Variants in ISCU observed in about 807,000 individuals in gnomAD.
ISCU encodes the protein iron-sulfur cluster assembly enzyme ISCU.
Under a neutral mutation model 18.4 loss-of-function variants are expected in ISCU, and 13 were observed. The ratio of observed to expected loss-of-function variants is 0.71; its 90% CI spans 0.46 to 1.12. The LOEUF (loss-of-function observed/expected upper bound fraction) is 1.12, where lower values mean the gene tolerates loss of function less well. Among genes scored for constraint, ISCU ranks in the 50% most tolerant of loss-of-function variants. The probability of loss-of-function intolerance (pLI) is 0.00; values close to 1 mark genes in which losing one functional copy is unlikely to be tolerated. For synonymous variants in ISCU, 104 were observed against 87.5 expected, an observed-to-expected ratio of 1.19 and a Z score of -1.06; for missense variants, 229 against 208.7, an observed-to-expected ratio of 1.10 and a Z score of -0.60.
chr12:108,562,898 TAAAC>T (rs1318014184), intron 1 of ISCU, 162 bp downstream of exon 1: 1 of 415,584 alleles, frequency 2.4e-6, no homozygotes, highest in Non-Finnish European at 4.2e-6. Context: ...CTGCAACTGA[TAAAC>T]AACAGTTACC....
intron 3 of ISCU, among the ~76,000 whole-genome samples, chr12:108,566,337 G>C (rs1293968114): frequency 6.6e-6 from 1 of 152,266 alleles, no homozygotes; most frequent in African/African-American, 2.4e-5. Flanking sequence ...CTCAGGTGAA[G>C]GGAGAAATGA....
At position 108,568,517 on chromosome 12, in the gene ISCU, C is replaced by T. The variant is rs114887406; in HGVS notation, c.419-314C>T. 3.7e-3 allele frequency: 4,624 copies of T among 1,247,468 alleles called. 143 individuals carry two copies. In the African/African-American group the frequency reaches 0.063, roughly 17 times the overall value. 77.3% of individuals were successfully genotyped at this position (1,247,468 alleles called of 1,614,324 possible). A position where few individuals can be genotyped will look rare whatever the true frequency, so the allele number is the denominator to read the frequency against. On this transcript the variant is annotated intron_variant, in intron 4 of 4. Transcript: ENST00000311893. ...TATGTGTCAGACATCTTCTGTAAGT[C>T]CCCACACTATCCTGGCAAGAAAAGC...
chr12:108,563,871 C>T lies in ISCU; in HGVS notation c.115-408C>T, dbSNP rs571294581. On this transcript the variant is annotated intron_variant, in intron 1 of 4. Transcript: ENST00000311893. ...ACCTTAAGGCTTCTAAGAAAGCTTT[C>T]CCTCCCTGGGCCATGGTTATTTTTA... 3.2e-5 allele frequency: 19 copies of T among 599,286 alleles called. 1 individual carries two copies. The South Asian group carries it at 3.5e-4, about 11-fold the overall frequency. The allele number at this position is 599,286 out of a possible 1,614,324, so 37.1% of individuals were successfully genotyped here.
intron 4 of ISCU, chr12:108,567,726 T>C: frequency 6.5e-7 from 1 of 1,535,958 alleles, no homozygotes; most frequent in South Asian, 1.2e-5. Flanking sequence ...GTGTATTTCT[T>C]CACTTCCTGT....
At chr12:108,565,885 C>A (rs1335559163) in intron 3 of ISCU, among the ~76,000 whole-genome samples, 1 of 152,170 alleles carries the variant, frequency 6.6e-6, no homozygotes, top group Non-Finnish European at 1.5e-5. Flanking sequence ...AGGGTGGGGG[C>A]AAAGTGAACA....
At chr12:108,568,389 C>T in intron 4 of ISCU, 1 of 1,092,820 alleles carries the variant, frequency 9.2e-7, no homozygotes, top group Non-Finnish European at 1.1e-6. Context: ...TTGACATGAT[C>T]TTTTTTCCAA....
intron 3 of ISCU, among the ~76,000 whole-genome samples, chr12:108,566,086 A>G (rs2030882302): frequency 6.6e-6 from 1 of 152,278 alleles, no homozygotes; most frequent in Admixed American, 6.5e-5. Context: ...AACCTCTCAG[A>G]AAAGCCAACC....
At chr12:108,564,429 C>T (rs779447660) in intron 2 of ISCU, 37 bp downstream of exon 2, 7 of 1,395,010 alleles carry the variant, frequency 5.0e-6, no homozygotes, top group African/African-American at 2.8e-5. Flanking sequence ...TAACAATAAT[C>T]CCTTTAAGTT....
intron 4 of ISCU, chr12:108,568,226 G>A: frequency 5.7e-6 from 7 of 1,234,192 alleles, no homozygotes; most frequent in Non-Finnish European, 6.1e-6. Flanking sequence ...TTTAGCTGAT[G>A]TTCTCTGTTA....
intron 4 of ISCU, chr12:108,567,874 CTG>C (rs1243021983): frequency 3.5e-5 from 50 of 1,440,336 alleles, no homozygotes; most frequent in Non-Finnish European, 4.6e-5. Flanking sequence ...AGTTTGGTCT[CTG>C]TATTAAATCT....
intron 2 of ISCU, 60 bp downstream of exon 2, chr12:108,564,452 G>T: frequency 8.5e-7 from 1 of 1,175,568 alleles, no homozygotes; most frequent in Non-Finnish European, 1.3e-6. Flanking sequence ...CAAAGCACTT[G>T]CGCATTTCAC....
rs1565873242 is a variant in ISCU, at chr12:108,562,611, C to G, written c.-12C>G. 2.8e-6 allele frequency: 4 copies of G among 1,434,626 alleles called. No individual in the cohort carries two copies. Among genetic ancestry groups the G allele is most frequent in the Non-Finnish European group, 3.7e-6 (4 of 1,092,020 alleles). The allele number at this position is 1,434,626 out of a possible 1,614,324, so 88.9% of individuals were successfully genotyped here. ...GCGTCGCTCTGGACTGGCGCAGGCG[C>G]AAGCCGGCAAGATGGCGGCGGCTGG... On this transcript the variant is annotated 5_prime_UTR_variant, in exon 1 of 5. Transcript: ENST00000311893.
At chr12:108,565,563 T>A in intron 3 of ISCU, 132 bp downstream of exon 3, 1 of 698,644 alleles carries the variant, frequency 1.4e-6, no homozygotes, top group South Asian at 1.7e-5. Flanking sequence ...GAATTATGGA[T>A]CATTCTACTA....
chr12:108,561,675 G>A (rs1416028522), upstream of ISCU, among the ~76,000 whole-genome samples: 1 of 152,080 alleles, frequency 6.6e-6, no homozygotes, highest in African/African-American at 2.4e-5. Context: ...GTAAACGTCT[G>A]GTACCTAGTA....
At position 108,569,153 on chromosome 12, in the gene ISCU, A is replaced by T. The variant is rs2014226; in HGVS notation, c.*237A>T. 0.017 allele frequency: 9,045 copies of T among 535,494 alleles called. 615 individuals carry two copies. Among genetic ancestry groups the T allele is most frequent in the African/African-American group, 0.15 (8,090 of 52,516 alleles). 33.2% of individuals were successfully genotyped at this position (535,494 alleles called of 1,614,324 possible). On this transcript the variant is annotated 3_prime_UTR_variant, in exon 5 of 5. Transcript: ENST00000311893. ...TTAACCTAGTTAATGTATATTTTGAATTGTGTGTATGACCTCAGAACTGAA... is the reference window on the plus strand; with the variant it reads ...TTAACCTAGTTAATGTATATTTTGATTTGTGTGTATGACCTCAGAACTGAA...
At position 108,562,679 on chromosome 12, in the gene ISCU, G is replaced by C; in HGVS notation, c.57G>C (p.Arg19=). The C allele has an allele frequency of 6.9e-7, 1 of 1,456,232 alleles. No homozygotes were observed. Among genetic ancestry groups the C allele is most frequent in the Non-Finnish European group, 9.0e-7 (1 of 1,112,542 alleles). The allele number at this position is 1,456,232 out of a possible 1,614,324, so 90.2% of individuals were successfully genotyped here. The change falls in exon 1 of 5, where the codon CGG becomes CGC. Residue 19 remains arginine, a synonymous_variant. Coordinates refer to ENST00000311893, the MANE Select transcript of ISCU (RefSeq NM_213595.4). ...LRRAASALLL[R]SPRLPARELS... The stretch of plus-strand genomic sequence containing the variant: ...GGGCGGCATCGGCTCTGCTGCTGCG[G>C]AGCCCCCGCCTGCCCGCCCGGGAGC...
At chr12:108,568,197 C>G (rs1029325180) in intron 4 of ISCU, 1 of 1,270,518 alleles carries the variant, frequency 7.9e-7, no homozygotes, top group African/African-American at 1.5e-5. Flanking sequence ...TTTATTAGGC[C>G]TTTTTAGGTA....
chr12:108,563,971 T>G, intron 1 of ISCU: 1 of 830,336 alleles, frequency 1.2e-6, no homozygotes. Context: ...TGAGCCCAAG[T>G]CTGGTGATGT....
chr12:108,568,480 C>T, intron 4 of ISCU: 1 of 1,178,588 alleles, frequency 8.5e-7, no homozygotes, highest in Non-Finnish European at 1.1e-6. Context: ...GTAACATTTC[C>T]TGTGTCCCTA....
Sources: gnomAD v4.1 joint callset for allele counts (sites outside exome capture counted in the v4.1 genomes callset) on GRCh38, gnomAD v4.1.1 for gene constraint, MANE v1.5 for transcripts, NCBI Gene and HGNC (gene_info 2026-07-23, HGNC 2026-07-21) for gene names.